The following IRX6 variants were observed in gnomAD, a reference collection of about 807,000 sequenced individuals.
The protein encoded by IRX6 is iroquois-class homeodomain protein IRX-6.
Under a neutral mutation model 47.7 loss-of-function variants are expected in IRX6, and 46 were observed. The observed-to-expected ratio is 0.96, with a 90% CI of 0.76 to 1.23. The LOEUF is 1.23. Among genes scored for constraint, IRX6 ranks in the 50% most tolerant of loss-of-function variants. The pLI, the probability that IRX6 is intolerant of heterozygous loss-of-function variation, is 0.00. For missense variants in IRX6, 722 were observed against 588.0 expected (o/e 1.23, Z -2.36); for synonymous variants, 265 against 246.2 (o/e 1.08, Z -0.72).
rs373510401 is a variant in IRX6 at position 55,329,713 on chromosome 16, G to C, written c.1333+402G>C. The stretch of plus-strand genomic sequence containing the variant: ...TCGCTGGTCCCTGCTGTGCTGCTCA[G>C]AGAGTTTACTAGGGTTGGGCAGGCA... On this transcript the variant is annotated intron_variant, in intron 5 of 5. Transcript: ENST00000290552. 1.5e-4 allele frequency among the ~76,000 whole-genome samples: 23 copies of C among 152,238 alleles called. No homozygotes were observed. The East Asian group carries it at 2.1e-3, about 14-fold the overall frequency.
At position 55,326,366 on chromosome 16, in the gene IRX6, T is replaced by A. The variant is rs780393319; in HGVS notation, c.76T>A (p.Cys26Ser). Residue 26 changes from cysteine (C) to serine (S), a missense_variant, in exon 2 of 6, where the codon TGC becomes AGC. Coordinates refer to ENST00000290552, the MANE Select transcript of IRX6 (RefSeq NM_024335.3). ...FLASASSSTTCCESTQRSVSD... is the reference protein window; with the variant it reads ...FLASASSSTTSCESTQRSVSD... The stretch of plus-strand genomic sequence containing the variant: ...GGCGTCGGCAAGTTCCAGCACCACA[T>A]GCTGCGAATCTACCCAACGCTCTGT... The A allele has an allele frequency of 6.2e-7, 1 of 1,613,738 alleles. No individual in the cohort carries two copies. The highest frequency in any genetic ancestry group is 8.5e-7 in the Non-Finnish European group (1 of 1,179,980).
rs374226357 is a variant in IRX6, at chr16:55,327,635, C to A, written c.463C>A (p.Arg155=). The A allele has an allele frequency of 3.7e-6, 6 of 1,611,516 alleles. No homozygotes were observed. The highest frequency in any genetic ancestry group is 1.7e-6 in the Non-Finnish European group (2 of 1,179,482). Residue 155 remains arginine (R), a synonymous_variant, in exon 4 of 6, where the codon CGG becomes AGG. Transcript: ENST00000290552. The part of the protein sequence containing the change: ...SGAGRRKNAT[R]ETTSTLKAWL... ...CGCCGGTCGCCGAAAGAACGCGACC[C>A]GGGAGACCACCAGTACACTCAAGGC...
rs1216471764 is a variant in IRX6, at chr16:55,328,756, G to T, written c.778G>T (p.Glu260Ter). The part of the protein sequence containing the change: ...GLRLSDLEDL[E>*]EEEEEEEEAE... ...CCGGCTGAGTGACCTGGAAGACCTG[G>T]AGGAAGAGGAGGAGGAGGAGGAGGA... The change falls in exon 5 of 6, where the codon GAG (glutamate) becomes TAG (stop). Residue 260 changes from glutamate to a stop codon, truncating the protein, a stop_gained. Transcript: ENST00000290552. LOFTEE classifies it high-confidence loss of function. 2.5e-6 allele frequency: 4 copies of T among 1,613,280 alleles called. No individual in the cohort carries two copies. Among genetic ancestry groups the T allele is most frequent in the Admixed American group, 3.3e-5 (2 of 60,028 alleles).
chr16:55,330,373 A>G lies in IRX6; in HGVS notation c.*68A>G. 3 of 1,522,576 alleles carry G rather than the reference A, an allele frequency of 2.0e-6. No homozygotes were observed. Among genetic ancestry groups the G allele is most frequent in the Non-Finnish European group, 2.7e-6 (3 of 1,096,462 alleles). 94.3% of individuals were successfully genotyped at this position (1,522,576 alleles called of 1,614,324 possible). A position where few individuals can be genotyped will look rare whatever the true frequency, so the allele number is the denominator to read the frequency against. ...CACGTTTCGAATTCATCTCCAGGTT[A>G]AGAAGCTGCCAGACCTTGCCAGGGA... On this transcript the variant is annotated 3_prime_UTR_variant, in exon 6 of 6. Transcript: ENST00000290552.
At position 55,330,521 on chromosome 16, in the gene IRX6, G is replaced by T. The variant is rs1168678294; in HGVS notation, c.*216G>T. 6 of 587,216 alleles carry T rather than the reference G, an allele frequency of 1.0e-5. No individual in the cohort carries two copies. The highest frequency in any genetic ancestry group is 1.5e-5 in the Non-Finnish European group (5 of 328,600). 36.4% of individuals were successfully genotyped at this position (587,216 alleles called of 1,614,324 possible). A position where few individuals can be genotyped will look rare whatever the true frequency, so the allele number is the denominator to read the frequency against. On this transcript the variant is annotated 3_prime_UTR_variant, in exon 6 of 6. Transcript: ENST00000290552. ...TAGCAGTCCCCACGGGAGATGGCAG[G>T]GCACCTTGGGGAAGGCCAAGTGGGA...
chr16:55,324,991 C>A lies in IRX6; in HGVS notation c.-101C>A. 1.6e-6 allele frequency: 2 copies of A among 1,240,378 alleles called. No homozygotes were observed. The highest frequency in any genetic ancestry group is 1.8e-5 in the Admixed American group (1 of 56,992). 76.8% of individuals were successfully genotyped at this position (1,240,378 alleles called of 1,614,324 possible). On this transcript the variant is annotated 5_prime_UTR_variant, in exon 1 of 6. Transcript: ENST00000290552. The surrounding 1 kb of genome is among the most constrained non-coding windows in gnomAD (Gnocchi z 4.4). Reference sequence around the variant, plus strand: ...AGGAACCGGCGCTGGGCATCCGCAGCGGTGTAAGGAACTGAGACACCTCAC... The same window carrying A: ...AGGAACCGGCGCTGGGCATCCGCAGAGGTGTAAGGAACTGAGACACCTCAC...
At chr16:55,326,856 A>T in intron 2 of IRX6, 1 of 405,486 alleles carries the variant, frequency 2.5e-6, no homozygotes. Flanking sequence ...AGGAGTTCAA[A>T]TACTTTGCCC....
At position 55,326,521 on chromosome 16, in the gene IRX6, C is replaced by A; in HGVS notation, c.231C>A (p.Ala77=). ...GCATCTATGGAGCACCCTATGCGGCCGCTGCAGCTGCCCAGAGCTACCCTG... is the reference window on the plus strand; with the variant it reads ...GCATCTATGGAGCACCCTATGCGGCAGCTGCAGCTGCCCAGAGCTACCCTG... ...ALGIYGAPYA[A]AAAAQSYPGY... Residue 77 remains alanine, a synonymous_variant, in exon 2 of 6, where the codon GCC becomes GCA. Coordinates refer to ENST00000290552, the MANE Select transcript of IRX6 (RefSeq NM_024335.3). The A allele has an allele frequency of 6.2e-7, 1 of 1,603,634 alleles. No individual in the cohort carries two copies. The highest frequency in any genetic ancestry group is 2.2e-5 in the East Asian group (1 of 44,530).
rs761070606 is a variant in IRX6 at position 55,327,791 on chromosome 16, G to C, written c.619G>C (p.Glu207Gln). Residue 207 changes from glutamate (E) to glutamine (Q), a missense_variant, in exon 4 of 6, where the codon GAG becomes CAG. Coordinates refer to ENST00000290552, the MANE Select transcript of IRX6 (RefSeq NM_024335.3). Reference sequence around the variant, plus strand: ...CAACGCACGCCGGCGCCTCAAGAAAGAGAACAAAATGACATGGGCGCCCAA... The same window carrying C: ...CAACGCACGCCGGCGCCTCAAGAAACAGAACAAAATGACATGGGCGCCCAA... ...FANARRRLKK[E>Q]NKMTWAPKNK... 1 of 1,612,750 alleles carries C rather than the reference G, an allele frequency of 6.2e-7. No homozygotes were observed. The highest frequency in any genetic ancestry group is 8.5e-7 in the Non-Finnish European group (1 of 1,179,836).
In IRX6 at chr16:55,326,404, A is replaced by T; in HGVS notation, c.114A>T (p.Ala38=). The change falls in exon 2 of 6, where the codon GCA becomes GCT. Residue 38 remains alanine (A), a synonymous_variant. Coordinates refer to ENST00000290552, the MANE Select transcript of IRX6 (RefSeq NM_024335.3). ...ESTQRSVSDV[A]SGSTPAPALC... ...CCCAACGCTCTGTCTCAGATGTGGC[A>T]TCAGGCTCCACCCCAGCGCCCGCTC... 6.2e-7 allele frequency: 1 copy of T among 1,614,058 alleles called. No homozygotes were observed. Among genetic ancestry groups the T allele is most frequent in the Non-Finnish European group, 8.5e-7 (1 of 1,180,030 alleles).
intron 1 of IRX6, chr16:55,326,068 T>C (rs1421048673): frequency 6.3e-6 from 3 of 475,506 alleles, no homozygotes; most frequent in Non-Finnish European, 1.1e-5. Flanking sequence ...ATGTTCACAT[T>C]TTCCCGGCCT....
chr16:55,327,837 G>T lies in IRX6; in HGVS notation c.665G>T (p.Arg222Met). The change falls in exon 4 of 6, where the codon AGG becomes ATG. Residue 222 changes from arginine (R) to methionine (M), a missense_variant. Arg to Met is a moderately conservative substitution (Grantham distance 91, BLOSUM62 -1). Coordinates refer to ENST00000290552, the MANE Select transcript of IRX6 (RefSeq NM_024335.3). ...CCCAAGAACAAAGGTGGGGAGGAGA[G>T]GAAGGCAGAGGGAGGAGAGGAGGAC... Reference protein sequence around the residue: ...WAPKNKGGEERKAEGGEEDSL... With the variant: ...WAPKNKGGEEMKAEGGEEDSL... 1 of 1,613,028 alleles carries T rather than the reference G, an allele frequency of 6.2e-7. No homozygotes were observed.
At position 55,326,699 on chromosome 16, in the gene IRX6, A is replaced by C; in HGVS notation, c.303+106A>C. The C allele has an allele frequency of 3.9e-6, 5 of 1,267,792 alleles. No individual in the cohort carries two copies. The South Asian group carries it at 8.0e-5, about 20-fold the overall frequency. The allele number at this position is 1,267,792 out of a possible 1,614,324, so 78.5% of individuals were successfully genotyped here. On this transcript the variant is annotated intron_variant, in intron 2 of 5. Coordinates refer to ENST00000290552, the MANE Select transcript of IRX6 (RefSeq NM_024335.3). ...CTCCCGAGGAAAGGAAATGGTTAGG[A>C]CTGTGTATAAGGAGGACAAAAAAAT...
intron 5 of IRX6, 22 bp from the exon 6 acceptor site, chr16:55,330,276 T>TAATCAAACCCA: frequency 6.2e-7 from 1 of 1,613,166 alleles, no homozygotes. Flanking sequence ...CTTTGGGTTT[T>TAATCAAACCCA]AATCAACCTT....
At position 55,329,165 on chromosome 16, in the gene IRX6, G is replaced by A. The variant is rs750730984; in HGVS notation, c.1187G>A (p.Arg396Lys). The change falls in exon 5 of 6, where the codon AGA becomes AAA. Residue 396 changes from arginine to lysine, a missense_variant. Coordinates refer to ENST00000290552, the MANE Select transcript of IRX6 (RefSeq NM_024335.3). The stretch of plus-strand genomic sequence containing the variant: ...TCTGCCCGGCGACTCTCAGTCCCCA[G>A]AGACTCCGCGTGCGACGAGTCTTCC... ...PASARRLSVP[R>K]DSACDESSCI... is the part of the protein sequence containing the mutation. The A allele has an allele frequency of 1.2e-6, 2 of 1,614,048 alleles. No homozygotes were observed. The highest frequency in any genetic ancestry group is 2.7e-5 in the African/African-American group (2 of 74,952).
rs1426555844 is a variant in IRX6 at position 55,328,881 on chromosome 16, G to C, written c.903G>C (p.Glu301Asp). 1 of 1,613,060 alleles carries C rather than the reference G, an allele frequency of 6.2e-7. No individual in the cohort carries two copies. Among genetic ancestry groups the C allele is most frequent in the East Asian group, 2.2e-5 (1 of 44,860 alleles). The change falls in exon 5 of 6, where the codon GAG becomes GAC. Residue 301 changes from glutamate (E) to aspartate (D), a missense_variant. Transcript: ENST00000290552. ...SLPGPCAAAREGRLERRECGL... is the reference protein window; with the variant it reads ...SLPGPCAAARDGRLERRECGL... The stretch of plus-strand genomic sequence containing the variant: ...CTGGGCCGTGCGCTGCAGCTCGAGA[G>C]GGCCGATTGGAGCGCAGGGAGTGCG...
In IRX6 at chr16:55,325,448, GAGAA is replaced by G. The variant is rs1269276403; in HGVS notation, c.45+326_45+329del. ...ATACAGAAGTCTGAGGTGGCCGGGAGAGAAAGAAAGAAAGAAAAGAAAGAAAGAA... is the reference window on the plus strand; with the variant it reads ...ATACAGAAGTCTGAGGTGGCCGGGAGAGAAAGAAAGAAAAGAAAGAAAGAA... On this transcript the variant is annotated intron_variant, in intron 1 of 5. Transcript: ENST00000290552. 6.2e-5 allele frequency among the ~76,000 whole-genome samples: 9 copies of G among 144,518 alleles called. No homozygotes were observed. In the South Asian group the frequency reaches 6.9e-4, roughly 11 times the overall value. 94.8% of individuals were successfully genotyped at this position (144,518 alleles called of 152,430 possible).
In IRX6 at chr16:55,324,878, C is replaced by T. The variant is rs1960481127; in HGVS notation, c.-214C>T. 1 of 597,318 alleles carries T rather than the reference C, an allele frequency of 1.7e-6. No homozygotes were observed. Among genetic ancestry groups the T allele is most frequent in the Admixed American group, 2.9e-5 (1 of 33,936 alleles). 37.0% of individuals were successfully genotyped at this position (597,318 alleles called of 1,614,324 possible). A position where few individuals can be genotyped will look rare whatever the true frequency, so the allele number is the denominator to read the frequency against. On this transcript the variant is annotated 5_prime_UTR_variant, in exon 1 of 6. Transcript: ENST00000290552. This position sits in a 1 kb window ranked among gnomAD's most constrained non-coding sequence, Gnocchi z 4.4. ...CCATGGGCCCTTCTGTCTTCCGGAC[C>T]CCACGGGCCGGAGGGGCGCCTTCCG...
At chr16:55,325,601 A>C (rs533814328) in intron 1 of IRX6, among the ~76,000 whole-genome samples, 2 of 148,966 alleles carry the variant, frequency 1.3e-5, no homozygotes, top group African/African-American at 5.0e-5. Context: ...GAAAGAAAGA[A>C]AAAGAAAGAG....
Sources: gnomAD v4.1 joint callset for allele counts (sites outside exome capture counted in the v4.1 genomes callset) on GRCh38, gnomAD v4.1.1 for gene constraint, Gnocchi (gnomAD v3.1) non-coding constraint, MANE v1.5 for transcripts, NCBI Gene and HGNC (gene_info 2026-07-23, HGNC 2026-07-21) for gene names.